Variants in ZNF560 observed in about 807,000 individuals in gnomAD.
ZNF560 encodes zinc finger protein 560.
A neutral mutation model predicts 81.8 loss-of-function variants in ZNF560; 54 were observed. The observed-to-expected ratio is 0.66, with a 90% CI of 0.53 to 0.83. The LOEUF is 0.83. Ranked by LOEUF, ZNF560 falls within the 40% of genes least tolerant of loss-of-function variation. ZNF560 has a pLI of 0.00. For synonymous variants in ZNF560, 321 were observed against 317.9 expected (o/e 1.01, Z -0.10); for missense variants, 940 against 932.4 (o/e 1.01, Z -0.11).
rs1294494600 is a variant in ZNF560, at chr19:9,475,251, G to T, written c.30+33C>A. On this transcript the variant is annotated intron_variant, in intron 3 of 9. Transcript: ENST00000301480. ...TGTGTTTACCTGGTGATGCAAGTATGTCATTTTGTGGAAGTATACATTTTC... is the reference window on the plus strand; with the variant it reads ...TGTGTTTACCTGGTGATGCAAGTATTTCATTTTGTGGAAGTATACATTTTC... 3.7e-6 allele frequency: 6 copies of T among 1,611,402 alleles called. No individual in the cohort carries two copies. In the African/African-American group the frequency reaches 8.0e-5, roughly 22 times the overall value.
Position 9,498,158 on chromosome 19 carries a change from G to C in ZNF560, c.-87C>G, listed in dbSNP as rs557812130. The C allele has an allele frequency of 1.3e-5, 2 of 152,156 alleles. No individual in the cohort carries two copies. The highest frequency in any genetic ancestry group is 4.1e-4 in the South Asian group (2 of 4,832). The allele number at this position is 152,156 out of a possible 1,614,324, so 9.4% of individuals were successfully genotyped here. A position where few individuals can be genotyped will look rare whatever the true frequency, so the allele number is the denominator to read the frequency against. ...CACGGTGGAGTCGCCAGGTCCGTGGGGCTACAGGATCTTGGGGACGGAGTC... is the reference window on the plus strand; with the variant it reads ...CACGGTGGAGTCGCCAGGTCCGTGGCGCTACAGGATCTTGGGGACGGAGTC... On this transcript the variant is annotated 5_prime_UTR_variant, in exon 2 of 10. Transcript: ENST00000301480.
intron 4 of ZNF560, among the ~76,000 whole-genome samples, chr19:9,473,778 A>G (rs190628084): frequency 6.6e-6 from 1 of 152,360 alleles, no homozygotes; most frequent in East Asian, 1.9e-4. Context: ...ACAAAGCAAT[A>G]ACCTTTTAGT....
At chr19:9,455,465 T>C in the ZNF560 span, among the ~76,000 whole-genome samples, 1 of 152,214 alleles carries the variant, frequency 6.6e-6, no homozygotes, top group Non-Finnish European at 1.5e-5. Flanking sequence ...AGTTGGTGGC[T>C]GGGCTGCATT....
At chr19:9,476,657 T>TC (rs1424697595) in intron 2 of ZNF560, among the ~76,000 whole-genome samples, 4 of 152,176 alleles carry the variant, frequency 2.6e-5, no homozygotes, top group African/African-American at 9.7e-5. Flanking sequence ...TGCCACCCTG[T>TC]GAAGAGGTGT....
chr19:9,473,311 T>C (rs771648941), intron 4 of ZNF560, 52 bp from the exon 5 acceptor site: 2 of 1,415,476 alleles, frequency 1.4e-6, no homozygotes, highest in Non-Finnish European at 1.9e-6. Context: ...CCAGGCACAG[T>C]GGCTCATGCC....
chr19:9,472,510 C>A (rs1006732733), intron 5 of ZNF560, among the ~76,000 whole-genome samples: 8 of 152,156 alleles, frequency 5.3e-5, no homozygotes, highest in Non-Finnish European at 1.0e-4. Flanking sequence ...CAAAATCTAT[C>A]ATGAACTGTG....
intron 2 of ZNF560, among the ~76,000 whole-genome samples, chr19:9,481,198 C>G (rs2073284543): frequency 6.6e-6 from 1 of 151,970 alleles, no homozygotes; most frequent in East Asian, 1.9e-4. Context: ...ATAAATGGTG[C>G]TGGGAAAACT....
rs2073079611 is a variant in ZNF560 at position 9,468,955 on chromosome 19, C to G, written c.612+150G>C. 5.0e-6 allele frequency: 3 copies of G among 600,518 alleles called. No individual in the cohort carries two copies. In the East Asian group the frequency reaches 1.0e-4, roughly 21 times the overall value. The allele number at this position is 600,518 out of a possible 1,614,324, so 37.2% of individuals were successfully genotyped here. ...ATATTGGCCAGGCTGGTCTCGAACT[C>G]CTGACCTCATGATCCGCCTGCCTCA... On this transcript the variant is annotated intron_variant, in intron 9 of 9. Transcript: ENST00000301480.
At chr19:9,480,026 G>A (rs1000516620) in intron 2 of ZNF560, among the ~76,000 whole-genome samples, 10 of 152,006 alleles carry the variant, frequency 6.6e-5, no homozygotes, top group Non-Finnish European at 1.0e-4. Flanking sequence ...TAAAATAATG[G>A]GAGACTTTAA....
At chr19:9,455,154 C>A in the ZNF560 span, among the ~76,000 whole-genome samples, 27 of 152,296 alleles carry the variant, frequency 1.8e-4, no homozygotes, top group Non-Finnish European at 3.5e-4. Context: ...GATACACCCC[C>A]CAGATCAACA....
chr19:9,474,975 G>A (rs1325899023), intron 3 of ZNF560, among the ~76,000 whole-genome samples: 7 of 151,870 alleles, frequency 4.6e-5, no homozygotes, highest in African/African-American at 1.5e-4. Flanking sequence ...ACCTGGCCAG[G>A]ATTAGCCTTT....
chr19:9,475,135 C>T, intron 3 of ZNF560, 149 bp downstream of exon 3: 1 of 751,924 alleles, frequency 1.3e-6, no homozygotes. Flanking sequence ...AGAACCTCCA[C>T]TCCCTGGGGA....
chr19:9,451,821 C>T, the ZNF560 span, among the ~76,000 whole-genome samples: 3 of 152,188 alleles, frequency 2.0e-5, no homozygotes, highest in Admixed American at 2.0e-4. Context: ...ACACCTGTAA[C>T]CCCAGCACTT....
intron 2 of ZNF560, among the ~76,000 whole-genome samples, chr19:9,495,696 G>A (rs1255386187): frequency 6.6e-6 from 1 of 152,032 alleles, no homozygotes; most frequent in Non-Finnish European, 1.5e-5. Context: ...AACAGAGCAA[G>A]AATCTGTCTC....
intron 4 of ZNF560, 41 bp from the exon 5 acceptor site, chr19:9,473,300 G>A (rs1568455327): frequency 1.3e-6 from 2 of 1,506,622 alleles, no homozygotes; most frequent in South Asian, 2.5e-5. Context: ...AGAGGCTCAG[G>A]CCAGGCACAG....
upstream of ZNF560, among the ~76,000 whole-genome samples, chr19:9,501,729 G>A (rs759746899): frequency 1.1e-4 from 17 of 151,692 alleles, no homozygotes; most frequent in Non-Finnish European, 2.1e-4. Flanking sequence ...CAACTCCTAA[G>A]CTCAAGCAAT....
At chr19:9,484,410 T>G (rs12460992) in intron 2 of ZNF560, among the ~76,000 whole-genome samples, 15,210 of 152,052 alleles carry the variant, frequency 0.1, 910 homozygotes, top group South Asian at 0.2. Flanking sequence ...TGTGTCTGAA[T>G]TGAAGTGTGC....
At chr19:9,465,122 G>A (rs2072994046), downstream of ZNF560, among the ~76,000 whole-genome samples, 1 of 147,578 alleles carries the variant, frequency 6.8e-6, no homozygotes, top group Non-Finnish European at 1.5e-5. Flanking sequence ...AACAGTGAAA[G>A]CTATTGATTT....
intron 2 of ZNF560, among the ~76,000 whole-genome samples, chr19:9,477,082 A>G (rs541641013): frequency 2.0e-5 from 3 of 152,286 alleles, no homozygotes; most frequent in East Asian, 3.9e-4. Context: ...ACTGCTGGTG[A>G]TATGTGTAAA....
Sources: allele counts gnomAD v4.1 joint callset (sites outside exome capture counted in the v4.1 genomes callset), GRCh38; gene constraint gnomAD v4.1.1; transcripts MANE v1.5; gene names NCBI Gene and HGNC (gene_info 2026-07-23, HGNC 2026-07-21).